The following SPIRE2 variants were observed in gnomAD, a reference collection of about 807,000 sequenced individuals.
SPIRE2 encodes protein spire homolog 2.
SPIRE2 carries 76 observed loss-of-function variants against 80.7 expected under a neutral mutation model. That is an observed-to-expected ratio of 0.94 (90% CI 0.78 to 1.14). The LOEUF (loss-of-function observed/expected upper bound fraction) is 1.14. Among genes scored for constraint, SPIRE2 ranks in the 50% most tolerant of loss-of-function variants. The probability of loss-of-function intolerance (pLI) is 0.00; values close to 1 mark genes in which losing one functional copy is unlikely to be tolerated. For synonymous variants in SPIRE2, 535 were observed against 432.6 expected (o/e 1.24, Z -2.94); for missense variants, 1,196 against 1,015.3 (o/e 1.18, Z -2.42).
rs1332662728 is a variant in SPIRE2, at chr16:89,871,023, T to C, written c.*751T>C. 1 of 152,242 alleles carries C rather than the reference T, an allele frequency of 6.6e-6. No individual in the cohort carries two copies. Among genetic ancestry groups the C allele is most frequent in the Non-Finnish European group, 1.5e-5 (1 of 68,272 alleles). 9.4% of individuals were successfully genotyped at this position (152,242 alleles called of 1,614,324 possible). On this transcript the variant is annotated 3_prime_UTR_variant, in exon 15 of 15. Transcript: ENST00000378247. ...ATCGCTTGAACCCGGGAGGTGTAGGTTGCAGTGAGCCGAGATTGCACCACT... is the reference window on the plus strand; with the variant it reads ...ATCGCTTGAACCCGGGAGGTGTAGGCTGCAGTGAGCCGAGATTGCACCACT...
intron 1 of SPIRE2, among the ~76,000 whole-genome samples, chr16:89,843,825 G>A (rs369771789): frequency 3.0e-5 from 4 of 132,718 alleles, no homozygotes; most frequent in Non-Finnish European, 4.8e-5. Context: ...TCAGTCTCCC[G>A]AGTAGCTAGG....
Position 89,848,837 on chromosome 16 carries a change from C to CT in SPIRE2, c.289-1461dup, listed in dbSNP as rs1455805042. ...AGGCAGGTTCCAGGGCCTTCTGCGGCTTTTTTGCAGGTCAGACGAGGCAGG... is the reference window on the plus strand; with the variant it reads ...AGGCAGGTTCCAGGGCCTTCTGCGGCTTTTTTTGCAGGTCAGACGAGGCAGG... On this transcript the variant is annotated intron_variant, in intron 2 of 14. Coordinates refer to ENST00000378247, the MANE Select transcript of SPIRE2 (RefSeq NM_032451.2). Among the ~76,000 whole-genome samples, 15 of 141,714 alleles carry CT rather than the reference C, an allele frequency of 1.1e-4. 1 individual carries two copies. The highest frequency in any genetic ancestry group is 3.8e-4 in the African/African-American group (14 of 37,272). The allele number at this position is 141,714 out of a possible 152,430, so 93.0% of individuals were successfully genotyped here.
At chr16:89,856,365 A>G in intron 7 of SPIRE2, 129 bp downstream of exon 7, 1 of 946,670 alleles carries the variant, frequency 1.1e-6, no homozygotes, top group Non-Finnish European at 1.4e-6. Flanking sequence ...AAGACACAGA[A>G]CATCTTAATT....
Position 89,870,225 on chromosome 16 carries a change from A to T in SPIRE2, c.2098A>T (p.Thr700Ser). The change falls in exon 15 of 15, where the codon ACC becomes TCC. Residue 700 changes from threonine (T) to serine (S), a missense_variant. By Grantham distance (58) the Thr-to-Ser change is moderately conservative (BLOSUM62 1). Coordinates refer to ENST00000378247, the MANE Select transcript of SPIRE2 (RefSeq NM_032451.2). ...LNTTPRRSRQ[T>S]QSLYIPNTRT... Reference sequence around the variant, plus strand: ...CACTACGCCACGACGCAGTCGCCAGACCCAATCCCTCTACATCCCTAACAC... The same window carrying T: ...CACTACGCCACGACGCAGTCGCCAGTCCCAATCCCTCTACATCCCTAACAC... 1 of 1,606,766 alleles carries T rather than the reference A, an allele frequency of 6.2e-7. No homozygotes were observed. The highest frequency in any genetic ancestry group is 8.5e-7 in the Non-Finnish European group (1 of 1,176,938).
chr16:89,851,714 A>G (rs900832639), intron 3 of SPIRE2, among the ~76,000 whole-genome samples: 6 of 152,060 alleles, frequency 3.9e-5, no homozygotes, highest in Non-Finnish European at 8.8e-5. Flanking sequence ...GGGTCTCTGC[A>G]CACATGGGCT....
intron 7 of SPIRE2, 68 bp from the exon 8 acceptor site, chr16:89,858,270 A>T (rs2041710555): frequency 6.9e-7 from 1 of 1,442,572 alleles, no homozygotes; most frequent in African/African-American, 1.4e-5. Flanking sequence ...GTGCACACAA[A>T]GCTGTCAGCT....
At chr16:89,836,696 CCGGCCGGGGG>C (rs2041453023) in intron 1 of SPIRE2, among the ~76,000 whole-genome samples, 2 of 152,000 alleles carry the variant, frequency 1.3e-5, no homozygotes, top group East Asian at 1.9e-4. Flanking sequence ...AAAATATCCC[CCGGCCGGGGG>C]CGGTGGCTCA....
At chr16:89,842,874 C>T (rs778928595) in intron 1 of SPIRE2, among the ~76,000 whole-genome samples, 11 of 152,342 alleles carry the variant, frequency 7.2e-5, no homozygotes, top group East Asian at 1.9e-4. Flanking sequence ...TCCACTGATG[C>T]GGGGGTGGAT....
At chr16:89,850,184 T>C (rs1452788791) in intron 2 of SPIRE2, 120 bp from the exon 3 acceptor site, 18 of 844,538 alleles carry the variant, frequency 2.1e-5, no homozygotes, top group Non-Finnish European at 3.3e-5. Flanking sequence ...CCTTGGTCTC[T>C]TGTGGACCGA....
At chr16:89,856,808 C>G (rs2041695639) in intron 7 of SPIRE2, among the ~76,000 whole-genome samples, 1 of 151,806 alleles carries the variant, frequency 6.6e-6, no homozygotes, top group Non-Finnish European at 1.5e-5. Flanking sequence ...GCCTTGTAAT[C>G]CCAGCATTTT....
intron 2 of SPIRE2, chr16:89,846,960 C>T (rs1333901099): frequency 6.6e-6 from 1 of 150,634 alleles, no homozygotes; most frequent in Non-Finnish European, 1.5e-5. Flanking sequence ...AAAAGTTTTT[C>T]ATGCCCAAGT....
intron 12 of SPIRE2, among the ~76,000 whole-genome samples, chr16:89,867,987 G>A (rs1370662295): frequency 6.6e-6 from 1 of 152,202 alleles, no homozygotes; most frequent in Non-Finnish European, 1.5e-5. Context: ...AGAATGCCAA[G>A]GAGCACATAT....
intron 1 of SPIRE2, among the ~76,000 whole-genome samples, chr16:89,841,721 G>C (rs1158909439): frequency 6.6e-6 from 1 of 151,928 alleles, no homozygotes; most frequent in African/African-American, 2.4e-5. Flanking sequence ...TTTTGAGATG[G>C]AGTTTTGCTT....
intron 13 of SPIRE2, 41 bp from the exon 14 acceptor site, chr16:89,869,526 C>G (rs754989091): frequency 7.2e-7 from 1 of 1,386,980 alleles, no homozygotes; most frequent in Non-Finnish European, 1.0e-6. Flanking sequence ...CTGAATGTCT[C>G]TGGTGGTGCC....
intron 3 of SPIRE2, among the ~76,000 whole-genome samples, chr16:89,853,152 C>G (rs2041652985): frequency 6.6e-6 from 1 of 152,190 alleles, no homozygotes; most frequent in Non-Finnish European, 1.5e-5. Context: ...CTGCTCAGAT[C>G]AGTTTCTTAC....
intron 12 of SPIRE2, among the ~76,000 whole-genome samples, chr16:89,866,041 T>G (rs570984504): frequency 6.6e-6 from 1 of 150,940 alleles, no homozygotes; most frequent in East Asian, 2.0e-4. Flanking sequence ...CCCAGCACTT[T>G]GGGAGGCTGA....
At chr16:89,851,197 T>G (rs2041624186) in intron 3 of SPIRE2, among the ~76,000 whole-genome samples, 1 of 152,104 alleles carries the variant, frequency 6.6e-6, no homozygotes, top group African/African-American at 2.4e-5. Flanking sequence ...GTTGCCTGAG[T>G]TGTTATCCTC....
rs1597223727 is a variant in SPIRE2 at position 89,863,036 on chromosome 16, T to G, written c.1576-440T>G. On this transcript the variant is annotated intron_variant, in intron 10 of 14. Transcript: ENST00000378247. The surrounding 1 kb of genome is among the most constrained non-coding windows in gnomAD (Gnocchi z 4.3). The stretch of plus-strand genomic sequence containing the variant: ...GAATCAGTGGCCAGGACACGGGAGG[T>G]GTGCTGAGCGCAGATGGGCAGATGC... 5.7e-6 allele frequency: 1 copy of G among 174,820 alleles called. No homozygotes were observed. Among genetic ancestry groups the G allele is most frequent in the Non-Finnish European group, 1.2e-5 (1 of 80,590 alleles). 10.8% of individuals were successfully genotyped at this position (174,820 alleles called of 1,614,324 possible).
At chr16:89,840,028 G>T (rs937625481) in intron 1 of SPIRE2, among the ~76,000 whole-genome samples, 15 of 152,308 alleles carry the variant, frequency 9.8e-5, no homozygotes, top group African/African-American at 3.6e-4. Flanking sequence ...GACACCCAGC[G>T]CCAGTAGCCA....
Sources: gnomAD v4.1 joint callset for allele counts (sites outside exome capture counted in the v4.1 genomes callset) on GRCh38, gnomAD v4.1.1 for gene constraint, Gnocchi (gnomAD v3.1) non-coding constraint, MANE v1.5 for transcripts, NCBI Gene and HGNC (gene_info 2026-07-23, HGNC 2026-07-21) for gene names.